ITPR1: variants seen among roughly 807,000 people sequenced by gnomAD.
ITPR1 encodes the protein inositol 1,4,5-trisphosphate-gated calcium channel ITPR1.
In ITPR1, 96 loss-of-function variants were observed where a neutral mutation model predicts 318.4. That is an observed-to-expected ratio of 0.30 (90% confidence interval 0.26 to 0.36). The LOEUF (loss-of-function observed/expected upper bound fraction) is 0.36. Ranked by LOEUF, ITPR1 falls within the 10% of genes least tolerant of loss-of-function variation. The pLI is 1.00. For missense variants in ITPR1, 2,440 were observed against 3,460.2 expected (o/e 0.71, Z 7.40); for synonymous variants, 1,312 against 1,289.9 (o/e 1.02, Z -0.37).
chr3:4,775,520 C>A, intron 47 of ITPR1, 78 bp downstream of exon 47: 1 of 1,132,226 alleles, frequency 8.8e-7, no homozygotes, highest in Non-Finnish European at 1.3e-6. Flanking sequence ...GTTCAGAAAT[C>A]ACGAAGCCTG....
chr3:4,783,849 C>T lies in ITPR1; in HGVS notation c.6544C>T (p.Leu2182=). ...GCATAACAAAGAACTTCAGAGCATGCTGAAACCTGGTGGCCAAGTGGACGG... is the reference window on the plus strand; with the variant it reads ...GCATAACAAAGAACTTCAGAGCATGTTGAAACCTGGTGGCCAAGTGGACGG... ...ARHNKELQSM[L]KPGGQVDGDE... The change falls in exon 51 of 62, where the codon CTG becomes TTG. Residue 2182 remains leucine (L), a synonymous_variant. Transcript: ENST00000649015. 1 of 1,609,530 alleles carries T rather than the reference C, an allele frequency of 6.2e-7. No homozygotes were observed. The highest frequency in any genetic ancestry group is 1.3e-5 in the African/African-American group (1 of 74,978).
intron 7 of ITPR1, among the ~76,000 whole-genome samples, chr3:4,642,951 G>T (rs1365835727): frequency 6.6e-6 from 1 of 152,154 alleles, no homozygotes; most frequent in East Asian, 1.9e-4. Flanking sequence ...AAAATATGCC[G>T]CAAACAGCAT....
At chr3:4,521,411 C>G (rs1025812404) in intron 4 of ITPR1, among the ~76,000 whole-genome samples, 1 of 152,122 alleles carries the variant, frequency 6.6e-6, no homozygotes, top group Admixed American at 6.6e-5. Context: ...TCACAGGGAA[C>G]ATTCATTATT....
At chr3:4,648,335 A>G (rs1488016378) in intron 10 of ITPR1, among the ~76,000 whole-genome samples, 1 of 152,180 alleles carries the variant, frequency 6.6e-6, no homozygotes, top group Non-Finnish European at 1.5e-5. Context: ...GGACCTGTCA[A>G]TCCTACTAGA....
chr3:4,638,203 C>A (rs1166256013), intron 5 of ITPR1, among the ~76,000 whole-genome samples: 1 of 152,084 alleles, frequency 6.6e-6, no homozygotes, highest in African/African-American at 2.4e-5. Flanking sequence ...GAAAGGAGAC[C>A]CTCTAGGAAG....
At chr3:4,622,406 G>C (rs9818621) in intron 4 of ITPR1, among the ~76,000 whole-genome samples, 89,524 of 150,132 alleles carry the variant, frequency 0.6, 27,036 homozygotes, top group South Asian at 0.77. Flanking sequence ...AGCCACTGCG[G>C]CCAGCCTTTG....
At chr3:4,584,322 T>A (rs1196187671) in intron 4 of ITPR1, among the ~76,000 whole-genome samples, 1 of 152,164 alleles carries the variant, frequency 6.6e-6, no homozygotes, top group Non-Finnish European at 1.5e-5. Flanking sequence ...GTAGCATTGT[T>A]GTAAAAATAA....
At chr3:4,697,420 G>A (rs938668067) in intron 34 of ITPR1, 148 bp downstream of exon 34, 3 of 547,064 alleles carry the variant, frequency 5.5e-6, no homozygotes, top group Non-Finnish European at 8.8e-6. Flanking sequence ...GCATGAGGAG[G>A]CACTTGTGAC....
intron 4 of ITPR1, among the ~76,000 whole-genome samples, chr3:4,619,319 A>G (rs1052086893): frequency 1.8e-4 from 27 of 151,978 alleles, no homozygotes; most frequent in Non-Finnish European, 2.1e-4. Flanking sequence ...ATTATCTTGT[A>G]TATTTCTTTG....
intron 4 of ITPR1, among the ~76,000 whole-genome samples, chr3:4,601,499 CA>C (rs33950775): frequency 0.12 from 15,250 of 131,472 alleles, 834 homozygotes; most frequent in African/African-American, 0.14. Flanking sequence ...GACCCTGTCT[CA>C]AAAAAAAAAA....
At chr3:4,765,241 G>T (rs747917976) in intron 44 of ITPR1, among the ~76,000 whole-genome samples, 3 of 152,014 alleles carry the variant, frequency 2.0e-5, no homozygotes, top group Admixed American at 1.3e-4. Context: ...GAGGGAAAAC[G>T]AACCAGGGAG....
intron 60 of ITPR1, among the ~76,000 whole-genome samples, chr3:4,820,192 G>A (rs778013965): frequency 8.1e-5 from 12 of 147,512 alleles, no homozygotes; most frequent in East Asian, 1.9e-4. Context: ...AACCCTACTC[G>A]ATCAGCATTT....
At position 4,655,209 on chromosome 3, in the gene ITPR1, G is replaced by C. The variant is rs571690295; in HGVS notation, c.996+1323G>C. 6.6e-4 allele frequency among the ~76,000 whole-genome samples: 101 copies of C among 152,280 alleles called. 1 individual carries two copies. Among genetic ancestry groups the C allele is most frequent in the African/African-American group, 2.2e-3 (93 of 41,560 alleles). ...TATTTCAAGAGAAGGAGCTGCCTCT[G>C]TGTGGCCAACATCTGGTGGTCTCCA... On this transcript the variant is annotated intron_variant, in intron 12 of 61. Coordinates refer to ENST00000649015, the MANE Select transcript of ITPR1 (RefSeq NM_001378452.1).
chr3:4,599,600 G>A (rs1040361379), intron 4 of ITPR1, among the ~76,000 whole-genome samples: 1 of 152,192 alleles, frequency 6.6e-6, no homozygotes, highest in African/African-American at 2.4e-5. Flanking sequence ...AGGCAGTTGG[G>A]TTTGTGATGC....
intron 4 of ITPR1, among the ~76,000 whole-genome samples, chr3:4,584,155 C>A (rs892710505): frequency 2.6e-5 from 4 of 152,064 alleles, no homozygotes; most frequent in Admixed American, 2.6e-4. Flanking sequence ...TTATTATTAT[C>A]TTCAGTACCT....
intron 60 of ITPR1, among the ~76,000 whole-genome samples, chr3:4,831,749 C>A (rs1436300908): frequency 1.3e-5 from 2 of 152,164 alleles, no homozygotes; most frequent in Non-Finnish European, 2.9e-5. Context: ...GCTGGAGAGG[C>A]GTGGGTGACA....
intron 45 of ITPR1, 125 bp from the exon 46 acceptor site, chr3:4,768,386 T>C: frequency 8.9e-7 from 1 of 1,126,854 alleles, no homozygotes. Context: ...CTTCTTTGAG[T>C]GTTTTGCCAA....
Position 4,693,431 on chromosome 3 carries a change from T to G in ITPR1, c.4030-59T>G, listed in dbSNP as rs1050053291. 5 of 1,575,650 alleles carry G rather than the reference T, an allele frequency of 3.2e-6. No homozygotes were observed. The Admixed American group carries it at 8.5e-5, about 27-fold the overall frequency. ...CTCTCTTCCTCTGTGAATAGATTTT[T>G]TTCATGCTGCCCCACCCCTGCAAGC... On this transcript the variant is annotated intron_variant, in intron 32 of 61. Coordinates refer to ENST00000649015, the MANE Select transcript of ITPR1 (RefSeq NM_001378452.1).
chr3:4,612,063 C>CT (rs34678180), intron 4 of ITPR1, among the ~76,000 whole-genome samples: 77,846 of 108,330 alleles, frequency 0.72, 29,674 homozygotes, highest in South Asian at 0.85. Flanking sequence ...GTATCAGGCC[C>CT]TTTTTTTTTT....
Sources: gnomAD v4.1 joint callset for allele counts (sites outside exome capture counted in the v4.1 genomes callset) on GRCh38, gnomAD v4.1.1 for gene constraint, MANE v1.5 for transcripts, NCBI Gene and HGNC (gene_info 2026-07-23, HGNC 2026-07-21) for gene names.